The following ARHGAP15 variants were observed in gnomAD, a reference collection of about 807,000 sequenced individuals.
The protein encoded by ARHGAP15 is Rho GTPase activating protein 15.
ARHGAP15 carries 51 observed loss-of-function variants against 63.7 expected under a neutral mutation model. The observed-to-expected ratio is 0.80, with a 90% CI of 0.64 to 1.01. ARHGAP15 has a LOEUF of 1.01. ARHGAP15 is among the 50% of genes least tolerant of loss of function. The probability of loss-of-function intolerance (pLI) is 0.00; values close to 1 mark genes in which losing one functional copy is unlikely to be tolerated. For synonymous variants in ARHGAP15, 191 were observed against 193.8 expected (o/e 0.99, Z 0.12); for missense variants, 560 against 564.6 (o/e 0.99, Z 0.08).
At chr2:143,299,004 C>T (rs1234597658) in intron 6 of ARHGAP15, among the ~76,000 whole-genome samples, 2 of 151,828 alleles carry the variant, frequency 1.3e-5, no homozygotes, top group Non-Finnish European at 2.9e-5. Context: ...ACTCTAAAAT[C>T]CTTATTTTTT....
intron 6 of ARHGAP15, among the ~76,000 whole-genome samples, chr2:143,301,382 C>G (rs1223081664): frequency 6.6e-6 from 1 of 151,894 alleles, no homozygotes; most frequent in Non-Finnish European, 1.5e-5. Flanking sequence ...AAAAAATATT[C>G]AGCTTTGTCA....
intron 6 of ARHGAP15, among the ~76,000 whole-genome samples, chr2:143,279,530 A>G (rs575374613): frequency 6.6e-6 from 1 of 152,288 alleles, no homozygotes; most frequent in African/African-American, 2.4e-5. Flanking sequence ...ATAGAAGACA[A>G]ATTGATAGTA....
chr2:143,619,599 T>C (rs1698579210), intron 11 of ARHGAP15, among the ~76,000 whole-genome samples: 3 of 152,194 alleles, frequency 2.0e-5, no homozygotes, highest in Non-Finnish European at 4.4e-5. Context: ...TGATATGGTT[T>C]GGCTGTGTCC....
chr2:143,390,608 C>G (rs984058885), intron 6 of ARHGAP15, among the ~76,000 whole-genome samples: 1 of 151,926 alleles, frequency 6.6e-6, no homozygotes, highest in Non-Finnish European at 1.5e-5. Flanking sequence ...CTCCGCTTCC[C>G]CCTCCCTTCC....
rs1292091639 is a variant in ARHGAP15, at chr2:143,416,374, A to G, written c.475-19227A>G. ...TAGCACTTTCTCTTTGCCAAACTGA[A>G]TTAAAGGTCCTGGGGACCCTGCAAG... On this transcript the variant is annotated intron_variant, in intron 6 of 13. Coordinates refer to ENST00000295095, the MANE Select transcript of ARHGAP15 (RefSeq NM_018460.4). 3.9e-5 allele frequency among the ~76,000 whole-genome samples: 6 copies of G among 152,180 alleles called. No homozygotes were observed. In the East Asian group the frequency reaches 1.2e-3, roughly 29 times the overall value.
At chr2:143,550,467 A>T (rs1391985327) in intron 10 of ARHGAP15, among the ~76,000 whole-genome samples, 1 of 152,220 alleles carries the variant, frequency 6.6e-6, no homozygotes, top group African/African-American at 2.4e-5. Context: ...CTAGAGCCGC[A>T]TTGTCTAAAA....
intron 6 of ARHGAP15, among the ~76,000 whole-genome samples, chr2:143,345,924 T>C (rs1005614293): frequency 3.9e-5 from 6 of 152,062 alleles, no homozygotes; most frequent in Non-Finnish European, 8.8e-5. Flanking sequence ...GTTCATTATA[T>C]GAGAAATCCT....
intron 13 of ARHGAP15, among the ~76,000 whole-genome samples, chr2:143,737,641 T>C (rs1246965076): frequency 3.3e-5 from 5 of 152,192 alleles, no homozygotes; most frequent in African/African-American, 1.2e-4. Context: ...TCCTCTGGCT[T>C]TCTGACTGGC....
Position 143,489,109 on chromosome 2 carries a change from T to C in ARHGAP15, c.826+1614T>C, listed in dbSNP as rs550681750. ...GCTAAGCAACCAACAATCCTAACTT[T>C]ACATAATGTCCGAGTTTTTCACGAC... On this transcript the variant is annotated intron_variant, in intron 9 of 13. Coordinates refer to ENST00000295095, the MANE Select transcript of ARHGAP15 (RefSeq NM_018460.4). 8.5e-5 allele frequency among the ~76,000 whole-genome samples: 13 copies of C among 152,222 alleles called. 1 individual carries two copies. In the South Asian group the frequency reaches 2.7e-3, roughly 32 times the overall value.
chr2:143,631,495 A>T (rs2731563), intron 12 of ARHGAP15, among the ~76,000 whole-genome samples: 24 of 152,060 alleles, frequency 1.6e-4, no homozygotes, highest in Admixed American at 1.0e-3. Flanking sequence ...TGGTGTGGTC[A>T]GTGTTTTTAA....
intron 9 of ARHGAP15, among the ~76,000 whole-genome samples, chr2:143,515,417 G>A (rs1427432043): frequency 6.6e-6 from 1 of 151,946 alleles, no homozygotes; most frequent in East Asian, 1.9e-4. Context: ...GTGTCATCAG[G>A]GTCTCAAGTT....
intron 11 of ARHGAP15, among the ~76,000 whole-genome samples, chr2:143,569,230 C>T (rs1696359919): frequency 6.6e-6 from 1 of 151,946 alleles, no homozygotes; most frequent in Admixed American, 6.6e-5. Context: ...TTTATTCATT[C>T]AAAAATATTT....
At chr2:143,755,858 T>C (rs1686556964) in intron 13 of ARHGAP15, among the ~76,000 whole-genome samples, 1 of 151,764 alleles carries the variant, frequency 6.6e-6, no homozygotes, top group Admixed American at 6.6e-5. Context: ...CCTAGCTACT[T>C]GGGAGGCTGA....
At chr2:143,742,702 C>A (rs991325287) in intron 13 of ARHGAP15, among the ~76,000 whole-genome samples, 10 of 152,210 alleles carry the variant, frequency 6.6e-5, no homozygotes, top group Admixed American at 5.9e-4. Context: ...TGCGTGCTAG[C>A]CTCAGTTTCC....
chr2:143,500,538 A>G (rs949304261), intron 9 of ARHGAP15, among the ~76,000 whole-genome samples: 6 of 152,172 alleles, frequency 3.9e-5, no homozygotes, highest in Non-Finnish European at 8.8e-5. Flanking sequence ...GTTCAGATGT[A>G]AGAAAATCAA....
intron 13 of ARHGAP15, among the ~76,000 whole-genome samples, chr2:143,747,136 G>A (rs1344679965): frequency 6.6e-6 from 1 of 151,906 alleles, no homozygotes. Flanking sequence ...TGCATGCAGG[G>A]CTTAAAACCT....
chr2:143,156,988 T>G (rs1045459135), intron 2 of ARHGAP15, among the ~76,000 whole-genome samples: 3 of 151,970 alleles, frequency 2.0e-5, no homozygotes, highest in Non-Finnish European at 4.4e-5. Flanking sequence ...GTTAAGTATA[T>G]TTAATGATGC....
At chr2:143,197,420 A>T (rs1202512485) in intron 2 of ARHGAP15, among the ~76,000 whole-genome samples, 1 of 151,982 alleles carries the variant, frequency 6.6e-6, no homozygotes, top group Admixed American at 6.6e-5. Flanking sequence ...ATTTTCTGTT[A>T]TTTATACTAT....
intron 6 of ARHGAP15, among the ~76,000 whole-genome samples, chr2:143,290,730 C>G (rs568174192): frequency 1.3e-5 from 2 of 152,084 alleles, no homozygotes; most frequent in Admixed American, 6.6e-5. Context: ...GAACAGGGAG[C>G]CTGAACTGTT....
Sources: gnomAD v4.1 joint callset for allele counts (sites outside exome capture counted in the v4.1 genomes callset) on GRCh38, gnomAD v4.1.1 for gene constraint, MANE v1.5 for transcripts, NCBI Gene and HGNC (gene_info 2026-07-23, HGNC 2026-07-21) for gene names.